Variants in SRP68 observed in about 807,000 individuals in gnomAD.
The protein encoded by SRP68 is signal recognition particle subunit SRP68.
A neutral mutation model predicts 82.2 loss-of-function variants in SRP68; 15 were observed. The ratio of observed to expected loss-of-function variants is 0.18; its 90% CI spans 0.12 to 0.28. The LOEUF (loss-of-function observed/expected upper bound fraction) is 0.28. SRP68 is among the 10% of genes least tolerant of loss of function. The pLI is 1.00. For synonymous variants in SRP68, 261 were observed against 292.6 expected (o/e 0.89, Z 1.10); for missense variants, 595 against 780.5 (o/e 0.76, Z 2.83).
chr17:76,050,413 G>T lies in SRP68; in HGVS notation c.1077+15C>A. ...CCGCCCAGAGCAAGAACCAGGGCTC[G>T]GCTGAGGGTCCTACCTGATCTGGCT... On this transcript the variant is annotated intron_variant, in intron 9 of 15. Transcript: ENST00000307877. The T allele has an allele frequency of 1.2e-6, 2 of 1,601,714 alleles. No individual in the cohort carries two copies. The highest frequency in any genetic ancestry group is 1.7e-5 in the Admixed American group (1 of 59,966).
intron 3 of SRP68, 74 bp downstream of exon 3, chr17:76,067,143 G>T: frequency 8.8e-7 from 1 of 1,135,278 alleles, no homozygotes; most frequent in Non-Finnish European, 1.3e-6. Context: ...GGTTTGGCAT[G>T]AAGTCTACCA....
Position 76,072,160 on chromosome 17 carries a change from A to C in SRP68, c.184+148T>G. 369 of 1,366,910 alleles carry C rather than the reference A, an allele frequency of 2.7e-4. No individual in the cohort carries two copies. The highest frequency in any genetic ancestry group is 8.2e-4 in the East Asian group (32 of 38,868). 84.7% of individuals were successfully genotyped at this position (1,366,910 alleles called of 1,614,324 possible). A position where few individuals can be genotyped will look rare whatever the true frequency, so the allele number is the denominator to read the frequency against. ...AGTCGAGAGACAGACCCCCCCCGGAATTCTGAGCACCAAAAGGTAAGGGCG... is the reference window on the plus strand; with the variant it reads ...AGTCGAGAGACAGACCCCCCCCGGACTTCTGAGCACCAAAAGGTAAGGGCG... On this transcript the variant is annotated intron_variant, in intron 1 of 15. Coordinates refer to ENST00000307877, the MANE Select transcript of SRP68 (RefSeq NM_014230.4). This position sits in a 1 kb window ranked among gnomAD's most constrained non-coding sequence, Gnocchi z 4.5.
At chr17:76,050,277 T>C in intron 9 of SRP68, 151 bp downstream of exon 9, 1 of 575,356 alleles carries the variant, frequency 1.7e-6, no homozygotes, top group Non-Finnish European at 3.1e-6. Flanking sequence ...GGCCCTTGTT[T>C]GCTCCCTTAC....
chr17:76,049,900 T>C (rs1370964165), intron 9 of SRP68, among the ~76,000 whole-genome samples: 4 of 152,108 alleles, frequency 2.6e-5, no homozygotes, highest in African/African-American at 9.7e-5. Context: ...CCATTTGTAC[T>C]TTGCGAAAGA....
At chr17:76,070,522 G>GA in intron 1 of SRP68, 78 bp from the exon 2 acceptor site, 1 of 1,207,436 alleles carries the variant, frequency 8.3e-7, no homozygotes, top group Non-Finnish European at 1.2e-6. Context: ...GTCTATATCT[G>GA]TGTCAAACCA....
intron 8 of SRP68, among the ~76,000 whole-genome samples, chr17:76,053,265 CAAAAAA>C (rs34472995): frequency 1.2e-5 from 1 of 82,562 alleles, no homozygotes. Flanking sequence ...GACCCTGTCT[CAAAAAA>C]AAAAAAAAAA....
chr17:76,047,435 T>C (rs1262807068), intron 10 of SRP68, among the ~76,000 whole-genome samples: 1 of 152,216 alleles, frequency 6.6e-6, no homozygotes, highest in Non-Finnish European at 1.5e-5. Context: ...ATGTAGCATA[T>C]ATACTTATTT....
In SRP68 at chr17:76,040,914, G is replaced by A; in HGVS notation, c.1589C>T (p.Ala530Val). 6.2e-7 allele frequency: 1 copy of A among 1,614,020 alleles called. No homozygotes were observed. The highest frequency in any genetic ancestry group is 1.3e-5 in the African/African-American group (1 of 75,042). Residue 530 changes from alanine (A) to valine (V), a missense_variant, in exon 14 of 16, where the codon GCA (alanine) becomes GTA (valine). Transcript: ENST00000307877. ...GGCAGGGGGCTCACCAAGGATGGCT[G>A]CGGCCTGCAGGGAGCACTTCTCTGA... Reference protein sequence around the residue: ...VRSEKCSLQAAAILDANDAHQ... With the variant: ...VRSEKCSLQAVAILDANDAHQ...
chr17:76,055,807 CTTTTTTTTTTTT>C (rs1032113845), intron 8 of SRP68, among the ~76,000 whole-genome samples: 7 of 106,568 alleles, frequency 6.6e-5, no homozygotes, highest in Non-Finnish European at 7.3e-5. Context: ...TTTTTTTCTT[CTTTTTTTTTTTT>C]TTTTTTTGGA....
Position 76,039,846 on chromosome 17 carries a change from G to T in SRP68, c.1744C>A (p.Gln582Lys). 6.2e-7 allele frequency: 1 copy of T among 1,614,240 alleles called. No homozygotes were observed. The highest frequency in any genetic ancestry group is 1.6e-4 in the Middle Eastern group (1 of 6,062). Residue 582 changes from glutamine to lysine, a missense_variant, in exon 16 of 16, where the codon CAG becomes AAG. Gln to Lys is a moderately conservative substitution (Grantham distance 53). Coordinates refer to ENST00000307877, the MANE Select transcript of SRP68 (RefSeq NM_014230.4). ...ANLVHFPPGF[Q>K]PIPCKPLFFD... ...AACAAAGGCTTGCAGGGAATGGGCT[G>T]GAAGCCTGGTGGGAAGTGCACAAGG...
rs1211417885 is a variant in SRP68, at chr17:76,062,737, A to AT, written c.562-1164dup. Among the ~76,000 whole-genome samples, 7 of 21,708 alleles carry AT rather than the reference A, an allele frequency of 3.2e-4. 1 individual carries two copies. Among genetic ancestry groups the AT allele is most frequent in the African/African-American group, 2.2e-3 (6 of 2,756 alleles). The allele number at this position is 21,708 out of a possible 152,430, so 14.2% of individuals were successfully genotyped here. ...AATATATTATATTTATTTTATATAT[A>AT]TATATATATATATATATATATATAT... On this transcript the variant is annotated intron_variant, in intron 4 of 15. Coordinates refer to ENST00000307877, the MANE Select transcript of SRP68 (RefSeq NM_014230.4).
rs752354929 is a variant in SRP68, at chr17:76,072,468, T to G, written c.24A>C (p.Pro8=). Residue 8 remains proline (P), a synonymous_variant, in exon 1 of 16, where the codon CCA becomes CCC. Coordinates refer to ENST00000307877, the MANE Select transcript of SRP68 (RefSeq NM_014230.4). The surrounding 1 kb of genome is among the most constrained non-coding windows in gnomAD (Gnocchi z 4.5). Reference sequence around the variant, plus strand: ...CACTGCCGCCGCCGCCGCCGCCGCCTGGGACCTGCTTCTCAGCAGCCATCT... The same window carrying G: ...CACTGCCGCCGCCGCCGCCGCCGCCGGGGACCTGCTTCTCAGCAGCCATCT... MAAEKQV[P]GGGGGGGSGG... is the part of the protein sequence containing the mutation. The G allele has an allele frequency of 6.3e-7, 1 of 1,577,994 alleles. No individual in the cohort carries two copies. The highest frequency in any genetic ancestry group is 8.6e-7 in the Non-Finnish European group (1 of 1,169,114).
chr17:76,052,983 C>CG (rs1197279530), intron 8 of SRP68, among the ~76,000 whole-genome samples: 2 of 146,588 alleles, frequency 1.4e-5, no homozygotes, highest in Non-Finnish European at 3.0e-5. Context: ...CACATGGCGT[C>CG]GGACGCGGTG....
Position 76,050,443 on chromosome 17 carries a change from C to G in SRP68, c.1062G>C (p.Glu354Asp), listed in dbSNP as rs145478645. Reference sequence around the variant, plus strand: ...AGGGTCCTACCTGATCTGGCTTGAGCTCCTCCCGAACCACCTGGATGGCGT... The same window carrying G: ...AGGGTCCTACCTGATCTGGCTTGAGGTCCTCCCGAACCACCTGGATGGCGT... ...CRDAIQVVRE[E>D]LKPDQKQRDY... Residue 354 changes from glutamate (E) to aspartate (D), a missense_variant, in exon 9 of 16, where the codon GAG becomes GAC. Physicochemically the swap from Glu to Asp is conservative, Grantham distance 45 (BLOSUM62 2). Around this residue, in one of 2 missense-constraint regions of SRP68, gnomAD observed 495 missense variants for 688.6 expected, o/e 0.72. Transcript: ENST00000307877. The G allele has an allele frequency of 6.2e-7, 1 of 1,613,638 alleles. No individual in the cohort carries two copies.
At chr17:76,045,907 TTTGTCTC>T (rs781088126) in intron 11 of SRP68, 124 bp downstream of exon 11, 160 of 1,132,644 alleles carry the variant, frequency 1.4e-4, no homozygotes, top group Non-Finnish European at 1.9e-4. Flanking sequence ...GTGTAAGATC[TTTGTCTC>T]TTCCCAGCTA....
At chr17:76,063,910 TTAAC>T in intron 4 of SRP68, 62 bp downstream of exon 4, 1 of 1,435,686 alleles carries the variant, frequency 7.0e-7, no homozygotes, top group South Asian at 1.3e-5. Context: ...TCTGTTCTGT[TTAAC>T]TGCAGCTTTT....
chr17:76,062,794 G>T (rs71382194), intron 4 of SRP68, among the ~76,000 whole-genome samples: 11 of 100,484 alleles, frequency 1.1e-4, no homozygotes, highest in Non-Finnish European at 2.0e-4. Flanking sequence ...TTTTTGAGAT[G>T]GAGTCTTGCT....
In SRP68 at chr17:76,062,738, T is replaced by TATATATAAAATATATATATATATATAAA. The variant is rs1567935230; in HGVS notation, c.562-1165_562-1164insTTTATATATATATATATATTTTATATAT. 1.8e-4 allele frequency among the ~76,000 whole-genome samples: 4 copies of TATATATAAAATATATATATATATATAAA among 21,722 alleles called. 2 individuals are homozygous for TATATATAAAATATATATATATATATAAA. Among genetic ancestry groups the TATATATAAAATATATATATATATATAAA allele is most frequent in the African/African-American group, 1.5e-3 (4 of 2,626 alleles). The allele number at this position is 21,722 out of a possible 152,430, so 14.3% of individuals were successfully genotyped here. A position where few individuals can be genotyped will look rare whatever the true frequency, so the allele number is the denominator to read the frequency against. Reference sequence around the variant, plus strand: ...ATATATTATATTTATTTTATATATATATATATATATATATATATATATATA... The same window carrying TATATATAAAATATATATATATATATAAA: ...ATATATTATATTTATTTTATATATATATATATAAAATATATATATATATATAAAATATATATATATATATATATATATA... On this transcript the variant is annotated intron_variant, in intron 4 of 15. Transcript: ENST00000307877.
chr17:76,072,285 T>G lies in SRP68; in HGVS notation c.184+23A>C, dbSNP rs765205958. On this transcript the variant is annotated intron_variant, in intron 1 of 15. Coordinates refer to ENST00000307877, the MANE Select transcript of SRP68 (RefSeq NM_014230.4). This position sits in a 1 kb window ranked among gnomAD's most constrained non-coding sequence, Gnocchi z 4.5. ...AGTTCGACACGTAATCATTGCGAGT[T>G]AGGCCCGATTACTCTAGGATACTCT... 1.9e-6 allele frequency: 3 copies of G among 1,607,906 alleles called. No individual in the cohort carries two copies. Among genetic ancestry groups the G allele is most frequent in the Non-Finnish European group, 2.5e-6 (3 of 1,178,146 alleles).
Sources: gnomAD v4.1 joint callset for allele counts (sites outside exome capture counted in the v4.1 genomes callset) on GRCh38, gnomAD v4.1.1 for gene constraint, gnomAD v4.1.1 regional missense constraint, Gnocchi (gnomAD v3.1) non-coding constraint, MANE v1.5 for transcripts, NCBI Gene and HGNC (gene_info 2026-07-23, HGNC 2026-07-21) for gene names.